WDPCP: variants seen among roughly 807,000 people sequenced by gnomAD.
The protein encoded by WDPCP is WD repeat-containing and planar cell polarity effector protein fritz homolog.
A neutral mutation model predicts 93.1 loss-of-function variants in WDPCP; 71 were observed. That is an observed-to-expected ratio of 0.76 (90% CI 0.63 to 0.93). The LOEUF is 0.93. Ranked by LOEUF, WDPCP falls within the 40% of genes least tolerant of loss-of-function variation. The pLI is 0.00. For synonymous variants in WDPCP, 315 were observed against 315.0 expected, an observed-to-expected ratio of 1.00 and a Z score of 0.00; for missense variants, 844 against 887.4, an observed-to-expected ratio of 0.95 and a Z score of 0.62.
chr2:63,575,164 A>C (rs926129101), intron 1 of WDPCP, among the ~76,000 whole-genome samples: 1 of 151,608 alleles, frequency 6.6e-6, no homozygotes, highest in Non-Finnish European at 1.5e-5. Flanking sequence ...ACCATAACAA[A>C]ACAGACTTGG....
intron 6 of WDPCP, among the ~76,000 whole-genome samples, chr2:63,443,665 G>A (rs1697651064): frequency 6.6e-6 from 1 of 152,136 alleles, no homozygotes; most frequent in South Asian, 2.1e-4. Context: ...TTAAAGCGGG[G>A]GATCAGGGCA....
intron 1 of WDPCP, among the ~76,000 whole-genome samples, chr2:63,570,837 T>G (rs1707436018): frequency 6.6e-6 from 1 of 152,226 alleles, no homozygotes; most frequent in African/African-American, 2.4e-5. Flanking sequence ...GCATAAACTC[T>G]GAAGTTAGAC....
chr2:63,558,733 A>G (rs1317797694), intron 1 of WDPCP, among the ~76,000 whole-genome samples: 1 of 152,222 alleles, frequency 6.6e-6, no homozygotes, highest in Non-Finnish European at 1.5e-5. Context: ...CTGAACCAGG[A>G]AGAAGCTGAA....
In WDPCP at chr2:63,716,433, C is replaced by G. The variant is rs189267771; in HGVS notation, n.309-65595G>C. ...TTCTCTCACAAATCTATTTGATCAT[C>G]TCTGTGGCACTTTTGTCATTATTTT... On this transcript the variant is annotated intron_variant and non_coding_transcript_variant, in intron 2 of 4. Transcript: ENST00000467687. Among the ~76,000 whole-genome samples the G allele has an allele frequency of 1.6e-3, 247 of 152,318 alleles. 2 individuals are homozygous for G. The highest frequency in any genetic ancestry group is 2.9e-3 in the Non-Finnish European group (198 of 68,036).
At chr2:63,657,210 T>TTG (rs1710178093) in intron 2 of WDPCP, among the ~76,000 whole-genome samples, 1 of 145,858 alleles carries the variant, frequency 6.9e-6, no homozygotes, top group Non-Finnish European at 1.5e-5. Flanking sequence ...GTGATGTTTT[T>TTG]TTTTTTTTTT....
At chr2:63,339,839 G>A (rs1484351403) in intron 12 of WDPCP, among the ~76,000 whole-genome samples, 1 of 152,004 alleles carries the variant, frequency 6.6e-6, no homozygotes, top group Non-Finnish European at 1.5e-5. Flanking sequence ...TGTCATAGAT[G>A]GCCTTTATTA....
intron 17 of WDPCP, among the ~76,000 whole-genome samples, chr2:63,125,022 C>T (rs751003084): frequency 2.6e-5 from 4 of 152,146 alleles, no homozygotes; most frequent in Admixed American, 6.5e-5. Context: ...TGGCAGGAGA[C>T]GCTTTTCTGA....
intron 6 of WDPCP, among the ~76,000 whole-genome samples, chr2:63,452,979 C>A (rs1210926720): frequency 6.6e-6 from 1 of 152,176 alleles, no homozygotes; most frequent in Non-Finnish European, 1.5e-5. Flanking sequence ...AGACCTAAAA[C>A]CATAAAAACC....
chr2:63,638,834 C>T (rs1709950057), intron 3 of WDPCP, among the ~76,000 whole-genome samples: 1 of 149,902 alleles, frequency 6.7e-6, no homozygotes, highest in African/African-American at 2.4e-5. Context: ...AAACAAAGAA[C>T]TGTTTCCTTG....
chr2:63,532,773 C>T (rs6756850), intron 1 of WDPCP, among the ~76,000 whole-genome samples: 39,175 of 152,080 alleles, frequency 0.26, 6,004 homozygotes, highest in East Asian at 0.72. Flanking sequence ...TTCTAAAGAC[C>T]ATCAATGCTA....
chr2:63,159,887 A>G (rs1672530505), intron 15 of WDPCP, among the ~76,000 whole-genome samples: 1 of 152,182 alleles, frequency 6.6e-6, no homozygotes, highest in Admixed American at 6.5e-5. Context: ...AAACAATTTA[A>G]TGGGGTTGTT....
intron 6 of WDPCP, among the ~76,000 whole-genome samples, chr2:63,461,369 C>T (rs1325887737): frequency 6.6e-6 from 1 of 152,154 alleles, no homozygotes; most frequent in Admixed American, 6.5e-5. Context: ...CATCCCTACT[C>T]TCTCTTGCTC....
At chr2:63,573,842 C>T (rs1187891593) in intron 1 of WDPCP, among the ~76,000 whole-genome samples, 2 of 152,164 alleles carry the variant, frequency 1.3e-5, no homozygotes, top group Non-Finnish European at 2.9e-5. Context: ...AAAGAGAATG[C>T]GTCCCTGAGG....
intron 14 of WDPCP, among the ~76,000 whole-genome samples, chr2:63,237,485 A>C (rs1242644746): frequency 6.6e-6 from 1 of 152,206 alleles, no homozygotes; most frequent in Admixed American, 6.6e-5. Flanking sequence ...CCGTGTTTAT[A>C]CCCAAAGGAA....
intron 12 of WDPCP, among the ~76,000 whole-genome samples, chr2:63,343,678 A>G (rs1056759554): frequency 2.2e-4 from 33 of 152,162 alleles, no homozygotes; most frequent in African/African-American, 8.0e-4. Context: ...TATGCTGCAT[A>G]TACAGACTCT....
At chr2:63,296,210 C>CA (rs70965117) in intron 13 of WDPCP, among the ~76,000 whole-genome samples, 110,761 of 141,386 alleles carry the variant, frequency 0.78, 43,251 homozygotes, top group East Asian at 0.94. Flanking sequence ...TCAGTAGATG[C>CA]AAAAAAAAAA....
At chr2:63,299,468 C>T (rs2103718793) in intron 13 of WDPCP, among the ~76,000 whole-genome samples, 1 of 152,250 alleles carries the variant, frequency 6.6e-6, no homozygotes, top group East Asian at 1.9e-4. Context: ...TGAAGACTGT[C>T]CTTCAGTTGT....
intron 2 of WDPCP, among the ~76,000 whole-genome samples, chr2:63,489,650 A>G (rs1466128472): frequency 1.3e-5 from 2 of 152,152 alleles, no homozygotes; most frequent in African/African-American, 4.8e-5. Flanking sequence ...AAGACACAGA[A>G]GCCAGCTTGA....
intron 5 of WDPCP, 24 bp from the exon 6 acceptor site, chr2:63,484,687 G>C (rs768542682): frequency 2.5e-6 from 4 of 1,612,518 alleles, no homozygotes; most frequent in Admixed American, 1.7e-5. Context: ...GAAAAAGAGA[G>C]AGCGTAGTTG....
Sources: allele counts gnomAD v4.1 joint callset (sites outside exome capture counted in the v4.1 genomes callset), GRCh38; gene constraint gnomAD v4.1.1; transcripts MANE v1.5; gene names NCBI Gene and HGNC (gene_info 2026-07-23, HGNC 2026-07-21).